The following TRPM3 variants were observed in gnomAD, a reference collection of about 807,000 sequenced individuals.
The protein encoded by TRPM3 is long transient receptor potential channel 3.
Under a neutral mutation model 181.2 loss-of-function variants are expected in TRPM3, and 77 were observed. The observed-to-expected ratio is 0.42, with a 90% CI of 0.35 to 0.51. The LOEUF (loss-of-function observed/expected upper bound fraction) is 0.51, where lower values mean the gene tolerates loss of function less well. TRPM3 is among the 20% of genes least tolerant of loss of function. TRPM3 has a pLI of 0.01. For synonymous variants in TRPM3, 745 were observed against 796.4 expected, an observed-to-expected ratio of 0.94 and a Z score of 1.09; for missense variants, 1,759 against 2,196.7, an observed-to-expected ratio of 0.80 and a Z score of 3.98.
At chr9:71,179,333 G>C (rs78208442) in intron 1 of TRPM3, among the ~76,000 whole-genome samples, 2 of 152,086 alleles carry the variant, frequency 1.3e-5, no homozygotes. Context: ...CACCACTCAC[G>C]ATTGTAAAAG....
At chr9:71,092,400 TTTAA>T (rs2066381438) in intron 1 of TRPM3, among the ~76,000 whole-genome samples, 2 of 152,184 alleles carry the variant, frequency 1.3e-5, no homozygotes, top group South Asian at 2.1e-4. Flanking sequence ...TTTATTGAAA[TTTAA>T]TTGTGATTTC....
chr9:70,616,039 T>G lies in TRPM3; in HGVS notation c.2395A>C (p.Ser799Arg), dbSNP rs1485188344. The G allele has an allele frequency of 1.2e-6, 2 of 1,609,210 alleles. No individual in the cohort carries two copies. The highest frequency in any genetic ancestry group is 1.7e-6 in the Non-Finnish European group (2 of 1,178,156). Residue 799 changes from serine (S) to arginine (R), a missense_variant, in exon 18 of 26, where the codon AGC becomes CGC. Ser to Arg is a moderately radical substitution (Grantham distance 110). This residue lies in a region of TRPM3 where 114 missense variants were observed against 134.8 expected (regional missense o/e 0.85). Transcript: ENST00000677713. ...LGILLPPSIL[S>R]LEFKNKDDMP... ...TCGTCTTTGTTCTTGAACTCCAAGC[T>G]GAGAATTGAAGGAGGAAGTAGAATT...
rs543682593 is a variant in TRPM3, at chr9:70,763,172, A to G, written c.1149-1448T>C. 4.6e-5 allele frequency among the ~76,000 whole-genome samples: 7 copies of G among 152,108 alleles called. No individual in the cohort carries two copies. The South Asian group carries it at 1.0e-3, about 23-fold the overall frequency. ...ACTCAGCTGGATGAAGGACTGGGTC[A>G]CCCCTTCCCCCACTCCTACAAAGTG... is the stretch of plus-strand genomic sequence containing the variant. On this transcript the variant is annotated intron_variant, in intron 7 of 25. Transcript: ENST00000677713.
intron 6 of TRPM3, among the ~76,000 whole-genome samples, chr9:70,786,926 C>A (rs908183633): frequency 6.6e-6 from 1 of 152,072 alleles, no homozygotes; most frequent in African/African-American, 2.4e-5. Flanking sequence ...CAAGTGTGAT[C>A]CACTCAGTGT....
chr9:70,676,024 A>G lies in TRPM3; in HGVS notation c.1345+5482T>C, dbSNP rs369017922. The stretch of plus-strand genomic sequence containing the variant: ...TCCAGGAACCCATTCAAGAAACCAC[A>G]TTGTTCCTGCTGTGACAATTTCTCA... On this transcript the variant is annotated intron_variant, in intron 9 of 25. Transcript: ENST00000677713. 1.1e-3 allele frequency among the ~76,000 whole-genome samples: 171 copies of G among 152,330 alleles called. 2 individuals are homozygous for G. The highest frequency in any genetic ancestry group is 3.9e-3 in the African/African-American group (164 of 41,570).
At chr9:71,440,999 G>A (rs1224900076) in intron 1 of TRPM3, among the ~76,000 whole-genome samples, 1 of 152,012 alleles carries the variant, frequency 6.6e-6, no homozygotes, top group Non-Finnish European at 1.5e-5. Context: ...AATGAAAACA[G>A]ACTTAAAATC....
chr9:70,626,206 A>C (rs1313841752), intron 12 of TRPM3, among the ~76,000 whole-genome samples: 4 of 152,160 alleles, frequency 2.6e-5, no homozygotes, highest in African/African-American at 9.7e-5. Flanking sequence ...TTAGGTTCTT[A>C]AGAAAATTTT....
intron 1 of TRPM3, among the ~76,000 whole-genome samples, chr9:71,364,708 C>G (rs146572828): frequency 6.6e-6 from 1 of 152,286 alleles, no homozygotes; most frequent in African/African-American, 2.4e-5. Flanking sequence ...ATACCTACAG[C>G]TTGAGAGTAG....
intron 1 of TRPM3, among the ~76,000 whole-genome samples, chr9:71,281,207 G>A (rs532553559): frequency 1.8e-4 from 28 of 152,326 alleles, no homozygotes; most frequent in African/African-American, 6.7e-4. Flanking sequence ...GGTTTTTCAA[G>A]GTTAGCCTGT....
intron 1 of TRPM3, among the ~76,000 whole-genome samples, chr9:71,096,180 A>C (rs2067159965): frequency 6.6e-6 from 1 of 151,764 alleles, no homozygotes; most frequent in African/African-American, 2.4e-5. Flanking sequence ...AGTGATCAGA[A>C]AAAAAATGTA....
intron 1 of TRPM3, among the ~76,000 whole-genome samples, chr9:70,961,610 C>G (rs7037044): frequency 0.032 from 4,852 of 152,198 alleles, 269 homozygotes; most frequent in African/African-American, 0.11. Flanking sequence ...TGTCCTCTTA[C>G]TCATAGGCAG....
intron 1 of TRPM3, among the ~76,000 whole-genome samples, chr9:71,061,449 G>A (rs1415179127): frequency 6.6e-6 from 1 of 152,098 alleles, no homozygotes; most frequent in African/African-American, 2.4e-5. Flanking sequence ...GCTGGTGTCA[G>A]GAAAGTTGGA....
At chr9:70,618,403 GATCT>G (rs572274086) in intron 17 of TRPM3, among the ~76,000 whole-genome samples, 3 of 152,204 alleles carry the variant, frequency 2.0e-5, no homozygotes, top group African/African-American at 4.8e-5. Flanking sequence ...TTTCCAAGTA[GATCT>G]ATCTCAGTTT....
At chr9:70,777,851 C>T (rs2081689836) in intron 7 of TRPM3, among the ~76,000 whole-genome samples, 1 of 152,088 alleles carries the variant, frequency 6.6e-6, no homozygotes, top group South Asian at 2.1e-4. Context: ...TCAGTTCTAT[C>T]TTTAAGTCTT....
chr9:71,040,825 A>G (rs1565049478), intron 1 of TRPM3, among the ~76,000 whole-genome samples: 1 of 152,160 alleles, frequency 6.6e-6, no homozygotes, highest in Non-Finnish European at 1.5e-5. Flanking sequence ...TCACCTGAAT[A>G]TAATCATGAG....
intron 1 of TRPM3, among the ~76,000 whole-genome samples, chr9:71,428,502 C>T (rs922751175): frequency 1.4e-4 from 21 of 152,204 alleles, no homozygotes; most frequent in African/African-American, 4.8e-4. Context: ...TTTGGATGAA[C>T]AGTTTTACAT....
At chr9:70,912,439 C>T (rs1273047514) in intron 1 of TRPM3, among the ~76,000 whole-genome samples, 1 of 152,186 alleles carries the variant, frequency 6.6e-6, no homozygotes, top group African/African-American at 2.4e-5. Context: ...AGATGATGTT[C>T]TGAGTAGCTG....
chr9:70,741,497 T>C lies in TRPM3; in HGVS notation c.1272+20104A>G, dbSNP rs139395340. ...TATCTACCCAGATGAAAAGTCATTA[T>C]ACAAAAAAAGATACCTGCACATGCA... On this transcript the variant is annotated intron_variant, in intron 8 of 25. Coordinates refer to ENST00000677713, the MANE Select transcript of TRPM3 (RefSeq NM_001366145.2). Among the ~76,000 whole-genome samples, 27 of 152,308 alleles carry C rather than the reference T, an allele frequency of 1.8e-4. 1 individual carries two copies. Among genetic ancestry groups the C allele is most frequent in the African/African-American group, 6.5e-4 (27 of 41,572 alleles).
intron 1 of TRPM3, among the ~76,000 whole-genome samples, chr9:70,941,633 T>C (rs2096886834): frequency 6.6e-6 from 1 of 152,198 alleles, no homozygotes; most frequent in Non-Finnish European, 1.5e-5. Flanking sequence ...TGCTCTGGGA[T>C]GGGGTACTCC....
Sources: allele counts gnomAD v4.1 joint callset (sites outside exome capture counted in the v4.1 genomes callset), GRCh38; gene constraint gnomAD v4.1.1; regional missense constraint gnomAD v4.1.1; transcripts MANE v1.5; gene names NCBI Gene and HGNC (gene_info 2026-07-23, HGNC 2026-07-21).